The following KRT80 variants were observed in gnomAD, a reference collection of about 807,000 sequenced individuals.
KRT80 encodes keratin 80.
In KRT80, 36 loss-of-function variants were observed where a neutral mutation model predicts 51.5. That is an observed-to-expected ratio of 0.70 (90% CI 0.54 to 0.92). The LOEUF is 0.92. Among genes scored for constraint, KRT80 ranks in the 40% least tolerant of loss-of-function variants. The pLI is 0.00. For synonymous variants in KRT80, 235 were observed against 248.3 expected (o/e 0.95, Z 0.50); for missense variants, 566 against 591.7 (o/e 0.96, Z 0.45).
chr12:52,179,055 CT>C (rs1779390277), intron 4 of KRT80, among the ~76,000 whole-genome samples: 1 of 152,232 alleles, frequency 6.6e-6, no homozygotes, highest in South Asian at 2.1e-4. Context: ...TGCATCATGG[CT>C]TAGAGCTTGA....
rs372656260 is a variant in KRT80, at chr12:52,171,369, T to C, written c.*29A>G. On this transcript the variant is annotated 3_prime_UTR_variant, in exon 9 of 9. Transcript: ENST00000394815. Reference sequence around the variant, plus strand: ...TTAAGTCCCTCCTGCTGCAGTGGAGTGCCCTGGGGTTCCTGGGGTCCAGCC... The same window carrying C: ...TTAAGTCCCTCCTGCTGCAGTGGAGCGCCCTGGGGTTCCTGGGGTCCAGCC... The C allele has an allele frequency of 9.4e-5, 145 of 1,544,202 alleles. 1 individual carries two copies. The highest frequency in any genetic ancestry group is 1.2e-4 in the Non-Finnish European group (134 of 1,146,062).
chr12:52,171,884 C>A (rs1205419557), intron 7 of KRT80, among the ~76,000 whole-genome samples, 171 bp from the exon 8 acceptor site: 1 of 152,130 alleles, frequency 6.6e-6, no homozygotes, highest in Non-Finnish European at 1.5e-5. Context: ...CCTTCCTGGG[C>A]CTCTGTCCCA....
intron 7 of KRT80, 81 bp from the exon 8 acceptor site, chr12:52,171,794 T>G: frequency 3.1e-6 from 3 of 969,622 alleles, no homozygotes; most frequent in Non-Finnish European, 3.1e-6. Flanking sequence ...CCCTGGGGGC[T>G]GGCAAGTGGA....
In KRT80 at chr12:52,191,794, G is replaced by C. The variant is rs773230922; in HGVS notation, c.109C>G (p.Pro37Ala). The C allele has an allele frequency of 9.3e-6, 15 of 1,609,446 alleles. No homozygotes were observed. In the East Asian group the frequency reaches 3.3e-4, roughly 36 times the overall value. ...CTGCGGGAGCTGAAGCCCGGCCCGGGGGCCCTGCAGCTGTCCCATCCTGAG... is the reference window on the plus strand; with the variant it reads ...CTGCGGGAGCTGAAGCCCGGCCCGGCGGCCCTGCAGCTGTCCCATCCTGAG... ...GTSGWDSCRA[P>A]GPGFSSRSLT... The change falls in exon 1 of 9, where the codon CCC (proline) becomes GCC (alanine). Residue 37 changes from proline (P) to alanine (A), a missense_variant. Transcript: ENST00000394815.
chr12:52,171,818 T>A, intron 7 of KRT80, 105 bp from the exon 8 acceptor site: 1 of 785,496 alleles, frequency 1.3e-6, no homozygotes, highest in African/African-American at 1.7e-5. Context: ...TAGTTCTTGG[T>A]GGTCACTCCC....
intron 5 of KRT80, 82 bp from the exon 6 acceptor site, chr12:52,173,245 T>C: frequency 1.4e-6 from 2 of 1,412,258 alleles, no homozygotes; most frequent in South Asian, 1.5e-5. Context: ...TTTTCTTGCA[T>C]CCTCCAGTCC....
chr12:52,181,827 C>G (rs1475636455), intron 2 of KRT80, among the ~76,000 whole-genome samples: 1 of 152,238 alleles, frequency 6.6e-6, no homozygotes, highest in African/African-American at 2.4e-5. Context: ...TGTCTGCTGG[C>G]TCCAGACTTC....
chr12:52,190,629 C>G (rs960166215), intron 1 of KRT80, among the ~76,000 whole-genome samples: 2 of 152,206 alleles, frequency 1.3e-5, no homozygotes, highest in Admixed American at 1.3e-4. Flanking sequence ...TTTTCCTTAT[C>G]TGTGAAATGG....
chr12:52,191,986 C>T lies in KRT80; in HGVS notation c.-84G>A. On this transcript the variant is annotated 5_prime_UTR_variant, in exon 1 of 9. Transcript: ENST00000394815. ...CGTCGGGTGGCAGGCTCTGGTTGCT[C>T]TGGTCACAGCTGGGGCGGGCTGGGG... 8.0e-7 allele frequency: 1 copy of T among 1,243,214 alleles called. No individual in the cohort carries two copies. Among genetic ancestry groups the T allele is most frequent in the Middle Eastern group, 2.9e-4 (1 of 3,494 alleles). The allele number at this position is 1,243,214 out of a possible 1,614,324, so 77.0% of individuals were successfully genotyped here.
At chr12:52,187,432 T>C (rs1308186629) in intron 1 of KRT80, among the ~76,000 whole-genome samples, 1 of 152,214 alleles carries the variant, frequency 6.6e-6, no homozygotes, top group Non-Finnish European at 1.5e-5. Context: ...GAGAGCCCCA[T>C]CTGATGGCCA....
intron 2 of KRT80, among the ~76,000 whole-genome samples, chr12:52,182,007 G>A (rs12578117): frequency 0.099 from 15,042 of 152,220 alleles, 990 homozygotes; most frequent in South Asian, 0.15. Context: ...TATATCTGGC[G>A]CCCCTCATGC....
chr12:52,173,134 C>T lies in KRT80; in HGVS notation c.861G>A (p.Glu287=), dbSNP rs775543735. 18 of 1,612,156 alleles carry T rather than the reference C, an allele frequency of 1.1e-5. No individual in the cohort carries two copies. The South Asian group carries it at 1.9e-4, about 17-fold the overall frequency. ...QLEEQAARSA[E]YGSSLQSSRS... Reference sequence around the variant, plus strand: ...GGCTGCTCTGGAGGCTGCTCCCATACTCGGCCGAGCGGGCGGCCTGCTCCT... The same window carrying T: ...GGCTGCTCTGGAGGCTGCTCCCATATTCGGCCGAGCGGGCGGCCTGCTCCT... The change falls in exon 6 of 9, where the codon GAG becomes GAA. Residue 287 remains glutamate, a synonymous_variant. Transcript: ENST00000394815.
At chr12:52,191,557 C>T (rs1438000266) in intron 1 of KRT80, 46 bp downstream of exon 1, 8 of 1,519,090 alleles carry the variant, frequency 5.3e-6, no homozygotes, top group Non-Finnish European at 7.1e-6. Context: ...GCTACCGGCC[C>T]AGGCCTGGCA....
chr12:52,173,519 T>C, intron 5 of KRT80, 81 bp downstream of exon 5: 1 of 1,211,268 alleles, frequency 8.3e-7, no homozygotes, highest in Non-Finnish European at 1.1e-6. Context: ...GCAGGCAACC[T>C]CAGCCATCAC....
chr12:52,181,016 G>A (rs1941312864), intron 2 of KRT80, 53 bp from the exon 3 acceptor site: 1 of 1,416,096 alleles, frequency 7.1e-7, no homozygotes, highest in South Asian at 1.4e-5. Context: ...CTTGGGCCTG[G>A]TGAACTCCCC....
intron 1 of KRT80, 74 bp downstream of exon 1, chr12:52,191,529 A>G: frequency 7.1e-7 from 1 of 1,408,282 alleles, no homozygotes; most frequent in Non-Finnish European, 9.7e-7. Context: ...ATCGATGCTC[A>G]GGGAAACACA....
Position 52,173,144 on chromosome 12 carries a change from C to T in KRT80, c.851G>A (p.Arg284His), listed in dbSNP as rs377592063. ...GAGGCTGCTCCCATACTCGGCCGAG[C>T]GGGCGGCCTGCTCCTCCAGCTGGAG... ...SRSQLEEQAA[R>H]SAEYGSSLQS... The change falls in exon 6 of 9, where the codon CGC becomes CAC. Residue 284 changes from arginine (R) to histidine (H), a missense_variant. Arg to His is a conservative substitution (Grantham distance 29, BLOSUM62 0). Transcript: ENST00000394815. 77 of 1,609,812 alleles carry T rather than the reference C, an allele frequency of 4.8e-5. No individual in the cohort carries two copies. Among genetic ancestry groups the T allele is most frequent in the Admixed American group, 1.7e-5 (1 of 59,738 alleles).
chr12:52,184,126 T>A (rs1941365476), intron 2 of KRT80, among the ~76,000 whole-genome samples: 1 of 152,140 alleles, frequency 6.6e-6, no homozygotes. Context: ...ACAGGACAGG[T>A]GCTCTCCACT....
At chr12:52,172,980 T>C in intron 6 of KRT80, 58 bp downstream of exon 6, 3 of 1,563,780 alleles carry the variant, frequency 1.9e-6, no homozygotes, top group Non-Finnish European at 2.6e-6. Flanking sequence ...TCAGCACACA[T>C]GACTGTGTGT....
Sources: allele counts gnomAD v4.1 joint callset (sites outside exome capture counted in the v4.1 genomes callset), GRCh38; gene constraint gnomAD v4.1.1; transcripts MANE v1.5; gene names NCBI Gene and HGNC (gene_info 2026-07-23, HGNC 2026-07-21).